The following SEC31B variants were observed in gnomAD, a reference collection of about 807,000 sequenced individuals.
SEC31B encodes SEC31 homolog B, COPII component, also known as protein transport protein Sec31B.
SEC31B carries 113 observed loss-of-function variants against 135.0 expected under a neutral mutation model. That is an observed-to-expected ratio of 0.84 (90% confidence interval 0.72 to 0.98). The LOEUF (loss-of-function observed/expected upper bound fraction) is 0.98. Ranked by LOEUF, SEC31B falls within the 50% of genes least tolerant of loss-of-function variation. SEC31B has a pLI of 0.00. For synonymous variants in SEC31B, 508 were observed against 549.4 expected, an observed-to-expected ratio of 0.92 and a Z score of 1.05; for missense variants, 1,296 against 1,421.1, an observed-to-expected ratio of 0.91 and a Z score of 1.42.
chr10:100,493,346 C>T (rs1759219903), intron 19 of SEC31B, among the ~76,000 whole-genome samples: 2 of 149,898 alleles, frequency 1.3e-5, no homozygotes, highest in African/African-American at 5.0e-5. Flanking sequence ...GCACTCCAGC[C>T]TGGGCAACAA....
intron 1 of SEC31B, among the ~76,000 whole-genome samples, chr10:100,517,835 A>G (rs1249543364): frequency 6.6e-6 from 1 of 152,040 alleles, no homozygotes; most frequent in East Asian, 1.9e-4. Context: ...CAATTGCTCA[A>G]CCCAGAAGCC....
intron 10 of SEC31B, among the ~76,000 whole-genome samples, chr10:100,503,584 C>T (rs1407406122): frequency 6.6e-6 from 1 of 151,978 alleles, no homozygotes; most frequent in Non-Finnish European, 1.5e-5. Flanking sequence ...CAGGTATGCA[C>T]CACCACGCCC....
Position 100,489,379 on chromosome 10 carries a change from G to A in SEC31B, c.3044C>T (p.Pro1015Leu), listed in dbSNP as rs1424628398. Reference protein sequence around the residue: ...QRNKLPETFMPPAPITAPVMS... With the variant: ...QRNKLPETFMLPAPITAPVMS... Reference sequence around the variant, plus strand: ...AACTGGAGCAGTAATTGGTGCTGGGGGCATAAATGTCTCTGGCAGCTAAAG... The same window carrying A: ...AACTGGAGCAGTAATTGGTGCTGGGAGCATAAATGTCTCTGGCAGCTAAAG... The change falls in exon 23 of 26, where the codon CCC becomes CTC. Residue 1015 changes from proline to leucine, a missense_variant. Physicochemically the swap from Pro to Leu is moderately conservative, Grantham distance 98. Transcript: ENST00000370345. 16 of 1,613,714 alleles carry A rather than the reference G, an allele frequency of 9.9e-6. No homozygotes were observed. Among genetic ancestry groups the A allele is most frequent in the Non-Finnish European group, 1.4e-5 (16 of 1,179,976 alleles).
intron 3 of SEC31B, among the ~76,000 whole-genome samples, chr10:100,512,572 A>G (rs544675857): frequency 6.6e-6 from 1 of 152,278 alleles, no homozygotes; most frequent in East Asian, 1.9e-4. Flanking sequence ...CTTTCAGTCA[A>G]ATATTTCTAG....
chr10:100,506,808 T>C (rs1294837698), intron 7 of SEC31B, among the ~76,000 whole-genome samples: 1 of 152,008 alleles, frequency 6.6e-6, no homozygotes, highest in South Asian at 2.1e-4. Context: ...CCATCTAAAG[T>C]CCCCAAGGAG....
At chr10:100,514,425 G>C (rs1280556496) in intron 3 of SEC31B, among the ~76,000 whole-genome samples, 1 of 151,834 alleles carries the variant, frequency 6.6e-6, no homozygotes, top group East Asian at 1.9e-4. Context: ...TAAACATCTT[G>C]AATTAGCTCA....
chr10:100,501,840 CCTT>C (rs1564651157), intron 11 of SEC31B: 3 of 181,518 alleles, frequency 1.7e-5, no homozygotes, highest in Admixed American at 5.4e-5. Flanking sequence ...CAACTCAAAG[CCTT>C]CTTATGACAA....
chr10:100,505,280 G>C, intron 10 of SEC31B, 81 bp downstream of exon 10: 1 of 1,539,456 alleles, frequency 6.5e-7, no homozygotes, highest in Middle Eastern at 1.8e-4. Flanking sequence ...TCCATGCTGG[G>C]CACATGGTAG....
chr10:100,489,968 G>A (rs767958673), intron 21 of SEC31B, 40 bp downstream of exon 21: 3 of 1,532,190 alleles, frequency 2.0e-6, no homozygotes, highest in East Asian at 2.3e-5. Context: ...AGCAGGGGAG[G>A]CAATAACCCA....
intron 24 of SEC31B, 50 bp from the exon 25 acceptor site, chr10:100,488,148 C>G (rs1367267142): frequency 6.6e-7 from 1 of 1,506,126 alleles, no homozygotes; most frequent in African/African-American, 1.4e-5. Flanking sequence ...TCTAACACCA[C>G]ACAGGGCCAT....
chr10:100,496,242 A>G lies in SEC31B; in HGVS notation c.2310+16T>C. ...CTGAATGAAATGGTTTGCTCTCTCC[A>G]CATGGCCCCACTTACCTGAGCACAG... On this transcript the variant is annotated intron_variant, in intron 18 of 25. Coordinates refer to ENST00000370345, the MANE Select transcript of SEC31B (RefSeq NM_015490.4). The G allele has an allele frequency of 6.2e-7, 1 of 1,612,942 alleles. No homozygotes were observed. The highest frequency in any genetic ancestry group is 1.1e-5 in the South Asian group (1 of 91,008).
At chr10:100,499,784 G>A (rs1410663206) in intron 11 of SEC31B, among the ~76,000 whole-genome samples, 186 bp from the exon 12 acceptor site, 1 of 152,168 alleles carries the variant, frequency 6.6e-6, no homozygotes, top group East Asian at 1.9e-4. Flanking sequence ...GCTATCAGCA[G>A]TGTTAACATA....
rs755609458 is a variant in SEC31B at position 100,516,101 on chromosome 10, C to G, written c.198G>C (p.Leu66Phe). 4.3e-6 allele frequency: 7 copies of G among 1,614,086 alleles called. No individual in the cohort carries two copies. The highest frequency in any genetic ancestry group is 3.3e-5 in the Admixed American group (2 of 60,010). ...ATCAATAGATCAGACAATACCTGCT[C>G]AAGGCAGAAAGGACTCCTCTGTGTT... is the stretch of plus-strand genomic sequence containing the variant. ...DLKHRGVLSA[L>F]SRFHKLVWGS... Residue 66 changes from leucine (L) to phenylalanine (F), a missense_variant, in exon 3 of 26, where the codon TTG becomes TTC. Coordinates refer to ENST00000370345, the MANE Select transcript of SEC31B (RefSeq NM_015490.4).
intron 11 of SEC31B, chr10:100,500,003 C>G (rs534216016): frequency 5.8e-4 from 259 of 448,540 alleles, no homozygotes; most frequent in Non-Finnish European, 1.0e-3. Flanking sequence ...GCTCTTGTAA[C>G]TGGACAGATT....
At chr10:100,516,370 G>A in intron 2 of SEC31B, 151 bp from the exon 3 acceptor site, 1 of 939,026 alleles carries the variant, frequency 1.1e-6, no homozygotes, top group Non-Finnish European at 1.5e-6. Context: ...AACGTTGGCT[G>A]GGCGCGGTGG....
chr10:100,490,242 G>A lies in SEC31B; in HGVS notation c.2731C>T (p.Pro911Ser), dbSNP rs1851275581. ...CATGCCATGGGTAGAGGGGAACCAGGAAGAGGCCATGTCCCAGGGAATCCC... is the reference window on the plus strand; with the variant it reads ...CATGCCATGGGTAGAGGGGAACCAGAAAGAGGCCATGTCCCAGGGAATCCC... Reference protein sequence around the residue: ...PVGFPGTWPLPGSPLPMACPG... With the variant: ...PVGFPGTWPLSGSPLPMACPG... The change falls in exon 21 of 26, where the codon CCT (proline) becomes TCT (serine). Residue 911 changes from proline to serine, a missense_variant. Transcript: ENST00000370345. The A allele has an allele frequency of 1.2e-6, 2 of 1,613,826 alleles. No homozygotes were observed. The highest frequency in any genetic ancestry group is 2.2e-5 in the East Asian group (1 of 44,878).
chr10:100,499,932 A>T lies in SEC31B; in HGVS notation c.1411-334T>A, dbSNP rs549400162. 3.3e-5 allele frequency among the ~76,000 whole-genome samples: 5 copies of T among 152,338 alleles called. No homozygotes were observed. The South Asian group carries it at 1.0e-3, about 32-fold the overall frequency. On this transcript the variant is annotated intron_variant, in intron 11 of 25. Transcript: ENST00000370345. ...ATTGGTAACTTGCATCTGGACTGGA[A>T]CTATGTAACCTAGAAATAATTAATG...
intron 3 of SEC31B, among the ~76,000 whole-genome samples, chr10:100,511,140 A>G (rs1049424167): frequency 6.6e-6 from 1 of 152,254 alleles, no homozygotes; most frequent in Admixed American, 6.5e-5. Flanking sequence ...CAGTTACTTC[A>G]GAGTGGCAGT....
chr10:100,490,497 A>G, intron 20 of SEC31B, 175 bp from the exon 21 acceptor site: 1 of 895,772 alleles, frequency 1.1e-6, no homozygotes, highest in Non-Finnish European at 1.6e-6. Flanking sequence ...GACCTTCAAA[A>G]CAATCCCATA....
Sources: gnomAD v4.1 joint callset for allele counts (sites outside exome capture counted in the v4.1 genomes callset) on GRCh38, gnomAD v4.1.1 for gene constraint, MANE v1.5 for transcripts, NCBI Gene and HGNC (gene_info 2026-07-23, HGNC 2026-07-21) for gene names.